Variants in DLGAP1 observed in about 807,000 individuals in gnomAD.
The protein encoded by DLGAP1 is disks large-associated protein 1.
Under a neutral mutation model 90.8 loss-of-function variants are expected in DLGAP1, and 11 were observed. The observed-to-expected ratio is 0.12, with a 90% CI of 0.08 to 0.20. The LOEUF (loss-of-function observed/expected upper bound fraction) is 0.20. Among genes scored for constraint, DLGAP1 ranks in the 10% least tolerant of loss-of-function variants. The probability of loss-of-function intolerance (pLI) is 1.00; values close to 1 mark genes in which losing one functional copy is unlikely to be tolerated. For missense variants in DLGAP1, 1,050 were observed against 1,333.8 expected (o/e 0.79, Z 3.31); for synonymous variants, 558 against 540.7 (o/e 1.03, Z -0.44).
At chr18:3,862,468 G>A (rs2070128942) in intron 4 of DLGAP1, among the ~76,000 whole-genome samples, 1 of 152,222 alleles carries the variant, frequency 6.6e-6, no homozygotes. Context: ...AAAACTCAGC[G>A]TGAGAATGGA....
chr18:4,371,839 T>C (rs2081923465), intron 1 of DLGAP1, among the ~76,000 whole-genome samples: 2 of 152,326 alleles, frequency 1.3e-5, no homozygotes, highest in South Asian at 2.1e-4. Flanking sequence ...TCCTGTCCCA[T>C]CACCTTCATG....
chr18:3,848,602 T>C (rs1424466659), intron 4 of DLGAP1, among the ~76,000 whole-genome samples: 1 of 152,186 alleles, frequency 6.6e-6, no homozygotes, highest in Non-Finnish European at 1.5e-5. Context: ...GTAAAAGTAC[T>C]GGGCTCCTGT....
chr18:3,683,846 G>A (rs1229840945), intron 7 of DLGAP1, among the ~76,000 whole-genome samples: 2 of 152,104 alleles, frequency 1.3e-5, no homozygotes, highest in African/African-American at 4.8e-5. Flanking sequence ...CTTACTAGAG[G>A]TATGTTTTTT....
chr18:4,094,104 C>T (rs2075632917), intron 2 of DLGAP1, among the ~76,000 whole-genome samples: 1 of 152,048 alleles, frequency 6.6e-6, no homozygotes, highest in Admixed American at 6.5e-5. Context: ...TCAACCCAGC[C>T]TCCAATTATG....
intron 1 of DLGAP1, among the ~76,000 whole-genome samples, chr18:4,333,856 T>C (rs1217116876): frequency 6.6e-6 from 1 of 151,194 alleles, no homozygotes; most frequent in Non-Finnish European, 1.5e-5. Context: ...CGCCTTGGCC[T>C]CCCAAAGTGC....
intron 3 of DLGAP1, among the ~76,000 whole-genome samples, chr18:3,888,893 G>A (rs1178850621): frequency 6.6e-6 from 1 of 152,148 alleles, no homozygotes; most frequent in Non-Finnish European, 1.5e-5. Flanking sequence ...TGCTTCCTAT[G>A]GAATTGTTCT....
intron 10 of DLGAP1, among the ~76,000 whole-genome samples, chr18:3,527,463 G>A (rs2051716141): frequency 8.7e-6 from 1 of 114,808 alleles, no homozygotes; most frequent in Admixed American, 1.2e-4. Context: ...TGAATTCAGG[G>A]AGTCAATTAA....
chr18:4,026,584 C>G (rs116148257), intron 2 of DLGAP1, among the ~76,000 whole-genome samples: 6 of 152,096 alleles, frequency 3.9e-5, no homozygotes, highest in Non-Finnish European at 7.4e-5. Context: ...TGAGATGGAG[C>G]TCTGAGTATA....
intron 1 of DLGAP1, among the ~76,000 whole-genome samples, chr18:4,412,716 G>T (rs944375477): frequency 6.6e-6 from 1 of 152,160 alleles, no homozygotes; most frequent in African/African-American, 2.4e-5. Context: ...AAATTTGGAG[G>T]TGGCAATGGT....
chr18:4,024,243 A>C (rs1909701714), intron 2 of DLGAP1, among the ~76,000 whole-genome samples: 1 of 152,234 alleles, frequency 6.6e-6, no homozygotes, highest in Non-Finnish European at 1.5e-5. Context: ...AAGACAAAGT[A>C]TTAGCATCAG....
intron 1 of DLGAP1, among the ~76,000 whole-genome samples, chr18:4,299,290 C>T (rs1354572753): frequency 6.6e-6 from 1 of 152,046 alleles, no homozygotes; most frequent in Non-Finnish European, 1.5e-5. Context: ...TGACAGTGCC[C>T]TGCTAACACA....
At chr18:3,658,477 C>T (rs2059576789) in intron 7 of DLGAP1, among the ~76,000 whole-genome samples, 1 of 152,160 alleles carries the variant, frequency 6.6e-6, no homozygotes, top group Non-Finnish European at 1.5e-5. Context: ...AGGGGGTAAT[C>T]ATTTAATTGA....
intron 6 of DLGAP1, 72 bp downstream of exon 6, chr18:3,742,263 A>G (rs2063086456): frequency 1.3e-6 from 2 of 1,551,294 alleles, no homozygotes; most frequent in Non-Finnish European, 1.8e-6. Context: ...TCCCCACCTC[A>G]TGCCCTCTCA....
chr18:3,689,501 TA>T (rs1567966872), intron 7 of DLGAP1, among the ~76,000 whole-genome samples: 1 of 152,112 alleles, frequency 6.6e-6, no homozygotes, highest in African/African-American at 2.4e-5. Context: ...TCCTTTTTTT[TA>T]AGCAGACCTA....
In DLGAP1 at chr18:4,010,932, T is replaced by G. The variant is rs376015443; in HGVS notation, c.-158-5731A>C. Among the ~76,000 whole-genome samples the G allele has an allele frequency of 3.3e-4, 50 of 151,744 alleles. No homozygotes were observed. In the South Asian group the frequency reaches 9.4e-3, roughly 28 times the overall value. On this transcript the variant is annotated intron_variant, in intron 2 of 12. Coordinates refer to ENST00000315677, the MANE Select transcript of DLGAP1 (RefSeq NM_004746.4). Reference sequence around the variant, plus strand: ...GGCTCACACCTGTAATCCCAGCACTTTGGGAGGCCGAGGCGAGTAGATCAC... The same window carrying G: ...GGCTCACACCTGTAATCCCAGCACTGTGGGAGGCCGAGGCGAGTAGATCAC...
At chr18:4,050,632 T>C (rs2075120491) in intron 2 of DLGAP1, among the ~76,000 whole-genome samples, 2 of 152,246 alleles carry the variant, frequency 1.3e-5, no homozygotes, top group African/African-American at 4.8e-5. Flanking sequence ...TTGCCATCTA[T>C]ATTTTTAAAC....
intron 7 of DLGAP1, among the ~76,000 whole-genome samples, chr18:3,645,807 C>A (rs543078207): frequency 6.6e-6 from 1 of 152,280 alleles, no homozygotes; most frequent in African/African-American, 2.4e-5. Context: ...GTCCCCATGG[C>A]CTGGGATAGG....
chr18:3,629,160 A>G (rs1225016664), intron 7 of DLGAP1, among the ~76,000 whole-genome samples: 1 of 152,194 alleles, frequency 6.6e-6, no homozygotes, highest in African/African-American at 2.4e-5. Flanking sequence ...GGCCAGGCAC[A>G]GTGGCTCACA....
At chr18:4,354,070 C>T (rs375074537) in intron 1 of DLGAP1, among the ~76,000 whole-genome samples, 5 of 152,134 alleles carry the variant, frequency 3.3e-5, no homozygotes, top group African/African-American at 1.2e-4. Context: ...CTCTGTGACT[C>T]GCACATAGTT....
Sources: gnomAD v4.1 joint callset for allele counts (sites outside exome capture counted in the v4.1 genomes callset) on GRCh38, gnomAD v4.1.1 for gene constraint, MANE v1.5 for transcripts, NCBI Gene and HGNC (gene_info 2026-07-23, HGNC 2026-07-21) for gene names.